Variants in RBFOX1 observed in about 807,000 individuals in gnomAD.
The protein encoded by RBFOX1 is RNA binding fox-1 homolog 1, also known as RNA binding protein fox-1 homolog 1.
Under a neutral mutation model 57.7 loss-of-function variants are expected in RBFOX1, and 8 were observed. The observed-to-expected ratio is 0.14, with a 90% CI of 0.08 to 0.25. RBFOX1 has a LOEUF of 0.25. RBFOX1 is among the 10% of genes least tolerant of loss of function. The pLI, the probability that RBFOX1 is intolerant of heterozygous loss-of-function variation, is 1.00. For missense variants in RBFOX1, 611 were observed against 548.5 expected, an observed-to-expected ratio of 1.11 and a Z score of -1.14; for synonymous variants, 326 against 222.4, an observed-to-expected ratio of 1.47 and a Z score of -4.15.
chr16:7,642,050 G>T (rs2062904123), intron 11 of RBFOX1, among the ~76,000 whole-genome samples: 1 of 152,192 alleles, frequency 6.6e-6, no homozygotes, highest in African/African-American at 2.4e-5. Context: ...AGGAGTTTGA[G>T]ATTGCAGTGA....
chr16:7,385,480 T>C (rs192960292), intron 4 of RBFOX1, among the ~76,000 whole-genome samples: 5 of 152,100 alleles, frequency 3.3e-5, no homozygotes, highest in African/African-American at 1.2e-4. Flanking sequence ...AATGGTGCCA[T>C]GGAAAGTAAT....
chr16:5,391,382 C>T (rs757102972), intron 1 of RBFOX1, among the ~76,000 whole-genome samples: 2 of 152,130 alleles, frequency 1.3e-5, no homozygotes, highest in Non-Finnish European at 2.9e-5. Flanking sequence ...AGGCTGCCTG[C>T]ATTCCTTCAC....
chr16:5,519,328 C>T (rs2043921230), intron 2 of RBFOX1, among the ~76,000 whole-genome samples: 1 of 152,210 alleles, frequency 6.6e-6, no homozygotes, highest in African/African-American at 2.4e-5. Context: ...TTTTACTATC[C>T]TGACTAACCT....
At chr16:5,497,638 A>AAAAAAAAAAAT (rs71142625) in intron 2 of RBFOX1, among the ~76,000 whole-genome samples, 1 of 139,398 alleles carries the variant, frequency 7.2e-6, no homozygotes, top group African/African-American at 3.0e-5. Flanking sequence ...AAAAAAAAAA[A>AAAAAAAAAAAT]GCTGGGCATG....
intron 3 of RBFOX1, among the ~76,000 whole-genome samples, chr16:6,921,524 T>A (rs2074436160): frequency 6.6e-6 from 1 of 152,168 alleles, no homozygotes; most frequent in Admixed American, 6.5e-5. Flanking sequence ...TCACCCATAG[T>A]TCCTTCCTAC....
intron 3 of RBFOX1, among the ~76,000 whole-genome samples, chr16:5,749,757 A>T (rs1172345390): frequency 6.6e-6 from 1 of 151,768 alleles, no homozygotes; most frequent in Admixed American, 6.6e-5. Flanking sequence ...TATTCTAGTT[A>T]GGCATTTATC....
At chr16:5,530,241 G>T (rs2044413575) in intron 2 of RBFOX1, among the ~76,000 whole-genome samples, 1 of 152,170 alleles carries the variant, frequency 6.6e-6, no homozygotes, top group Non-Finnish European at 1.5e-5. Context: ...ATGTGATAAT[G>T]GTGAGGACGG....
chr16:7,450,821 G>C (rs1598728767), intron 4 of RBFOX1, among the ~76,000 whole-genome samples: 1 of 152,138 alleles, frequency 6.6e-6, no homozygotes, highest in Admixed American at 6.5e-5. Context: ...GGAGGATTCA[G>C]GGGTCTGGTG....
chr16:6,765,976 G>A (rs1365962454), intron 3 of RBFOX1, among the ~76,000 whole-genome samples: 2 of 152,110 alleles, frequency 1.3e-5, no homozygotes, highest in African/African-American at 4.8e-5. Context: ...AGACTCAGAA[G>A]ATGGGAGGGT....
chr16:7,660,944 A>G (rs931273333), intron 12 of RBFOX1, among the ~76,000 whole-genome samples: 3 of 152,172 alleles, frequency 2.0e-5, no homozygotes, highest in East Asian at 1.9e-4. Context: ...TTCAGTTTCT[A>G]CATGTCTAAA....
At position 5,762,393 on chromosome 16, in the gene RBFOX1, G is replaced by T. The variant is rs575712498; in HGVS notation, c.319-104910G>T. Among the ~76,000 whole-genome samples, 15 of 151,616 alleles carry T rather than the reference G, an allele frequency of 9.9e-5. No individual in the cohort carries two copies. The East Asian group carries it at 1.7e-3, about 18-fold the overall frequency. ...AAACGAAGAAAGAAAACTCAAGTCA[G>T]TGTTGGCCAAGAGGGTTGGGAGTCA... On this transcript the variant is annotated intron_variant, in intron 3 of 19. Transcript: ENST00000641259.
chr16:5,309,710 C>G (rs547792814), intron 1 of RBFOX1, among the ~76,000 whole-genome samples: 28 of 152,210 alleles, frequency 1.8e-4, no homozygotes, highest in Admixed American at 5.9e-4. Flanking sequence ...TCATTTAGTG[C>G]TTTTCAATTA....
intron 3 of RBFOX1, among the ~76,000 whole-genome samples, chr16:6,697,393 C>T (rs754571610): frequency 6.6e-6 from 1 of 152,156 alleles, no homozygotes; most frequent in South Asian, 2.1e-4. Flanking sequence ...AAACCCAATT[C>T]AAACTACCTT....
chr16:5,733,846 C>T (rs544559985), intron 3 of RBFOX1, among the ~76,000 whole-genome samples: 2 of 152,070 alleles, frequency 1.3e-5, no homozygotes, highest in Admixed American at 6.5e-5. Flanking sequence ...CTAGTCTTTC[C>T]CTGGGATGCG....
intron 1 of RBFOX1, among the ~76,000 whole-genome samples, chr16:5,438,477 G>C (rs520408): frequency 0.54 from 82,667 of 151,990 alleles, 22,781 homozygotes; most frequent in East Asian, 0.63. Flanking sequence ...CTTTGAGCCT[G>C]AAAGGGCCCA....
At chr16:6,244,828 GC>G (rs1179760949) in intron 1 of RBFOX1, among the ~76,000 whole-genome samples, 4 of 152,146 alleles carry the variant, frequency 2.6e-5, no homozygotes, top group Admixed American at 2.6e-4. Flanking sequence ...TTTTGTTCAT[GC>G]TTTTGGTGTG....
downstream of RBFOX1, among the ~76,000 whole-genome samples, chr16:5,604,904 T>C (rs72763279): frequency 0.054 from 8,151 of 152,292 alleles, 299 homozygotes; most frequent in African/African-American, 0.1. Context: ...CGTCCCCTGC[T>C]GCAGTCTCAG....
At chr16:6,290,125 G>A in intron 1 of RBFOX1, among the ~76,000 whole-genome samples, 1 of 150,718 alleles carries the variant, frequency 6.6e-6, no homozygotes, top group East Asian at 1.9e-4. Flanking sequence ...TTGGATCGTT[G>A]TATTTAGAAA....
intron 2 of RBFOX1, chr16:6,483,199 CGAGGCCGGCCGGG>C: frequency 8.4e-7 from 1 of 1,187,808 alleles, no homozygotes; most frequent in African/African-American, 1.6e-5. Context: ...GGACAGAGGC[CGAGGCCGGCCGGG>C]GAAGCCGGAC....
Sources: gnomAD v4.1 joint callset for allele counts (sites outside exome capture counted in the v4.1 genomes callset) on GRCh38, gnomAD v4.1.1 for gene constraint, MANE v1.5 for transcripts, NCBI Gene and HGNC (gene_info 2026-07-23, HGNC 2026-07-21) for gene names.